EPM2A: variants seen among roughly 807,000 people sequenced by gnomAD.
EPM2A encodes laforin.
EPM2A carries 21 observed loss-of-function variants against 26.5 expected under a neutral mutation model. The ratio of observed to expected loss-of-function variants is 0.79; its 90% CI spans 0.56 to 1.14. The LOEUF (loss-of-function observed/expected upper bound fraction) is 1.14, where lower values mean the gene tolerates loss of function less well. Among genes scored for constraint, EPM2A ranks in the 50% most tolerant of loss-of-function variants. The pLI, the probability that EPM2A is intolerant of heterozygous loss-of-function variation, is 0.00. For synonymous variants in EPM2A, 217 were observed against 177.6 expected (o/e 1.22, Z -1.76); for missense variants, 458 against 440.8 (o/e 1.04, Z -0.35).
At chr6:145,465,727 C>T (rs1426808667) in intron 4 of EPM2A, among the ~76,000 whole-genome samples, 3 of 151,932 alleles carry the variant, frequency 2.0e-5, no homozygotes, top group Non-Finnish European at 2.9e-5. Flanking sequence ...AGTACCCGGC[C>T]GTGTGAGGTG....
intron 1 of EPM2A, among the ~76,000 whole-genome samples, chr6:145,688,760 C>T (rs1292409138): frequency 1.3e-5 from 2 of 151,846 alleles, no homozygotes; most frequent in Non-Finnish European, 2.9e-5. Flanking sequence ...GATAAACTTA[C>T]AAAAGATGAA....
At chr6:145,589,852 T>C (rs1781246824) in intron 2 of EPM2A, among the ~76,000 whole-genome samples, 1 of 148,808 alleles carries the variant, frequency 6.7e-6, no homozygotes, top group Admixed American at 6.7e-5. Context: ...CAGGGTACCC[T>C]TTGGGGAGCA....
At chr6:145,688,174 A>G (rs1781054901) in intron 1 of EPM2A, among the ~76,000 whole-genome samples, 1 of 152,212 alleles carries the variant, frequency 6.6e-6, no homozygotes. Context: ...TAACATAACC[A>G]GATTTTATTT....
In EPM2A at chr6:145,384,336, T is replaced by TAAAAAATAAAAA. The variant is rs1253779638; in HGVS notation, c.556-240_556-239insTTTTTATTTTTT. ...CTTTGCTTTAACAAGATGGCTGTTGTAAGTTGGATTTCTGGGAAAGCAGCC... is the reference window on the plus strand; with the variant it reads ...CTTTGCTTTAACAAGATGGCTGTTGTAAAAAATAAAAAAAGTTGGATTTCTGGGAAAGCAGCC... On this transcript the variant is annotated intron_variant, in intron 4 of 4. Coordinates refer to the EPM2A transcript ENST00000638717. Among the ~76,000 whole-genome samples the TAAAAAATAAAAA allele has an allele frequency of 8.4e-3, 1,032 of 123,086 alleles. 24 individuals carry two copies. The highest frequency in any genetic ancestry group is 0.013 in the Admixed American group (154 of 11,444). 80.7% of individuals were successfully genotyped at this position (123,086 alleles called of 152,430 possible).
intron 2 of EPM2A, among the ~76,000 whole-genome samples, chr6:145,559,553 TA>T (rs1454987137): frequency 1.3e-5 from 2 of 152,068 alleles, no homozygotes; most frequent in African/African-American, 4.8e-5. Flanking sequence ...TTAATGTCAG[TA>T]AACAATTACC....
chr6:145,614,062 G>A (rs1190903705), intron 2 of EPM2A, among the ~76,000 whole-genome samples: 2 of 152,174 alleles, frequency 1.3e-5, no homozygotes, highest in Non-Finnish European at 2.9e-5. Flanking sequence ...CTGTTGTTTA[G>A]TGTACCTGCC....
intron 2 of EPM2A, among the ~76,000 whole-genome samples, chr6:145,614,855 A>G (rs1241336818): frequency 1.3e-5 from 2 of 152,246 alleles, no homozygotes; most frequent in Non-Finnish European, 2.9e-5. Context: ...GAATTGCAAA[A>G]GTGTAGACAC....
chr6:145,546,714 T>C (rs966909120), intron 2 of EPM2A, among the ~76,000 whole-genome samples: 2 of 152,150 alleles, frequency 1.3e-5, no homozygotes, highest in Admixed American at 6.6e-5. Flanking sequence ...CACTGAAACA[T>C]ATATTTATGG....
chr6:145,443,031 TTGTG>T (rs371782797), intron 4 of EPM2A, among the ~76,000 whole-genome samples: 1 of 151,370 alleles, frequency 6.6e-6, no homozygotes, highest in Non-Finnish European at 1.5e-5. Context: ...CGGCTAATTT[TTGTG>T]TGTGTGTGTG....
At chr6:145,508,320 A>T (rs1258835191) in intron 2 of EPM2A, among the ~76,000 whole-genome samples, 3 of 152,220 alleles carry the variant, frequency 2.0e-5, no homozygotes, top group Admixed American at 6.5e-5. Context: ...GTTTCTGCCC[A>T]TGCTAAGGGT....
At chr6:145,475,670 A>T (rs1417009301) in intron 4 of EPM2A, among the ~76,000 whole-genome samples, 2 of 152,064 alleles carry the variant, frequency 1.3e-5, no homozygotes, top group Non-Finnish European at 2.9e-5. Flanking sequence ...ACTATTTATT[A>T]GTTTTCTTTC....
downstream of EPM2A, among the ~76,000 whole-genome samples, chr6:145,499,855 T>A (rs1442667979): frequency 6.6e-6 from 1 of 152,258 alleles, no homozygotes; most frequent in Non-Finnish European, 1.5e-5. Context: ...TTAACCAAGA[T>A]AAAGAGTTAC....
chr6:145,415,695 G>A (rs1252588744), intron 4 of EPM2A, among the ~76,000 whole-genome samples: 1 of 152,054 alleles, frequency 6.6e-6, no homozygotes, highest in East Asian at 1.9e-4. Flanking sequence ...GTACTGTAAT[G>A]TACATTATCT....
intron 4 of EPM2A, among the ~76,000 whole-genome samples, chr6:145,485,604 G>T (rs896958182): frequency 6.6e-6 from 1 of 152,132 alleles, no homozygotes; most frequent in African/African-American, 2.4e-5. Context: ...CTGGGACAGA[G>T]GATAAGTGAT....
At chr6:145,538,976 T>G (rs1371384683) in intron 2 of EPM2A, among the ~76,000 whole-genome samples, 1 of 152,216 alleles carries the variant, frequency 6.6e-6, no homozygotes, top group Non-Finnish European at 1.5e-5. Context: ...AGTATGGAGT[T>G]ACAGAGACAG....
At chr6:145,687,775 G>GA (rs1025248124) in intron 1 of EPM2A, among the ~76,000 whole-genome samples, 19 of 152,198 alleles carry the variant, frequency 1.2e-4, no homozygotes, top group African/African-American at 4.3e-4. Context: ...GAAGGTACAG[G>GA]ATGACTCTCT....
intron 4 of EPM2A, among the ~76,000 whole-genome samples, chr6:145,436,728 C>T (rs1450598867): frequency 6.6e-6 from 1 of 152,018 alleles, no homozygotes; most frequent in Non-Finnish European, 1.5e-5. Flanking sequence ...TTCTATTCCT[C>T]AGACTGGGTA....
chr6:145,417,299 C>T (rs1024684823), intron 4 of EPM2A, among the ~76,000 whole-genome samples: 2 of 152,198 alleles, frequency 1.3e-5, no homozygotes, highest in Non-Finnish European at 2.9e-5. Context: ...CTGTTCTTCA[C>T]GTAGGAAAAA....
At chr6:145,407,989 T>G (rs1351077781) in intron 4 of EPM2A, among the ~76,000 whole-genome samples, 3 of 152,180 alleles carry the variant, frequency 2.0e-5, no homozygotes, top group Non-Finnish European at 4.4e-5. Context: ...CTTTGGAACT[T>G]AAAGCAATTT....
Sources: gnomAD v4.1 joint callset for allele counts (sites outside exome capture counted in the v4.1 genomes callset) on GRCh38, gnomAD v4.1.1 for gene constraint, MANE v1.5 for transcripts, NCBI Gene and HGNC (gene_info 2026-07-23, HGNC 2026-07-21) for gene names.